CCDC91: variants seen among roughly 807,000 people sequenced by gnomAD.
CCDC91 encodes coiled-coil domain containing 91, also known as coiled-coil domain-containing protein 91.
A neutral mutation model predicts 63.2 loss-of-function variants in CCDC91; 48 were observed. That is an observed-to-expected ratio of 0.76 (90% CI 0.60 to 0.97). CCDC91 has a LOEUF of 0.97. Among genes scored for constraint, CCDC91 ranks in the 50% least tolerant of loss-of-function variants. The pLI is 0.00. For missense variants in CCDC91, 500 were observed against 494.6 expected, an observed-to-expected ratio of 1.01 and a Z score of -0.10; for synonymous variants, 167 against 165.8, an observed-to-expected ratio of 1.01 and a Z score of -0.06.
chr12:28,336,307 C>T (rs1345669628), intron 6 of CCDC91, among the ~76,000 whole-genome samples: 3 of 151,964 alleles, frequency 2.0e-5, no homozygotes, highest in East Asian at 3.9e-4. Context: ...CATAGGTACT[C>T]TAATCAGAAT....
chr12:28,246,762 A>T (rs912879455), intron 1 of CCDC91, among the ~76,000 whole-genome samples: 3 of 152,198 alleles, frequency 2.0e-5, no homozygotes, highest in African/African-American at 7.2e-5. Flanking sequence ...AGGAGACAAG[A>T]AAGGATGAGT....
chr12:28,312,825 T>C (rs543497859), intron 6 of CCDC91, among the ~76,000 whole-genome samples: 206 of 152,148 alleles, frequency 1.4e-3, no homozygotes, highest in African/African-American at 4.7e-3. Context: ...AGTTTCCCTG[T>C]GCAAGTTCTC....
At chr12:28,241,038 T>A (rs1053558506) in intron 1 of CCDC91, among the ~76,000 whole-genome samples, 4 of 152,210 alleles carry the variant, frequency 2.6e-5, no homozygotes, top group Non-Finnish European at 1.5e-5. Flanking sequence ...TTTCTCCACA[T>A]CCTTGCCAGC....
chr12:28,325,455 CATGTT>C (rs1940900311), intron 6 of CCDC91, among the ~76,000 whole-genome samples: 1 of 151,714 alleles, frequency 6.6e-6, no homozygotes, highest in Admixed American at 6.6e-5. Context: ...TATGGAGTAA[CATGTT>C]AGTGGATAAG....
intron 12 of CCDC91, among the ~76,000 whole-genome samples, chr12:28,524,469 A>G: frequency 6.6e-6 from 1 of 152,090 alleles, no homozygotes. Flanking sequence ...ATCATGCTGG[A>G]TTATCTCTGA....
At chr12:28,483,038 G>GTA (rs1462341375) in intron 11 of CCDC91, among the ~76,000 whole-genome samples, 1 of 151,864 alleles carries the variant, frequency 6.6e-6, no homozygotes, top group Non-Finnish European at 1.5e-5. Flanking sequence ...GTATATCCAA[G>GTA]TATATATATG....
chr12:28,539,388 G>C (rs1196282257), intron 12 of CCDC91, among the ~76,000 whole-genome samples: 2 of 152,042 alleles, frequency 1.3e-5, no homozygotes, highest in African/African-American at 4.8e-5. Flanking sequence ...TCTTGTTTTT[G>C]TCAGGTTTGT....
intron 3 of CCDC91, among the ~76,000 whole-genome samples, chr12:28,300,981 T>C (rs573003448): frequency 6.6e-6 from 1 of 151,800 alleles, no homozygotes; most frequent in Admixed American, 6.6e-5. Flanking sequence ...ATGCTTTTAT[T>C]ATTAGAGTTA....
intron 11 of CCDC91, among the ~76,000 whole-genome samples, chr12:28,471,943 GT>G (rs1417200265): frequency 6.6e-6 from 1 of 151,998 alleles, no homozygotes; most frequent in Admixed American, 6.6e-5. Context: ...TAGAGATGGG[GT>G]TTTGCCCTGT....
At chr12:28,276,866 G>A (rs1200835809) in intron 3 of CCDC91, among the ~76,000 whole-genome samples, 2 of 151,840 alleles carry the variant, frequency 1.3e-5, no homozygotes, top group Non-Finnish European at 2.9e-5. Flanking sequence ...AAAATTATAT[G>A]TATATTTTTA....
At chr12:28,242,130 G>C (rs148399743) in intron 1 of CCDC91, among the ~76,000 whole-genome samples, 1 of 151,808 alleles carries the variant, frequency 6.6e-6, no homozygotes, top group East Asian at 1.9e-4. Flanking sequence ...TTGTCTTGAG[G>C]TCTCTCAAGT....
chr12:28,221,092 T>TC (rs1393693202), intron 1 of CCDC91, among the ~76,000 whole-genome samples: 1 of 152,116 alleles, frequency 6.6e-6, no homozygotes, highest in East Asian at 1.9e-4. Flanking sequence ...ATCCATTTTT[T>TC]CTCAGTATTT....
At chr12:28,483,897 G>C (rs1511551) in intron 11 of CCDC91, among the ~76,000 whole-genome samples, 155 bp from the exon 12 acceptor site, 35,512 of 151,986 alleles carry the variant, frequency 0.23, 4,942 homozygotes, top group Non-Finnish European at 0.32. Flanking sequence ...CTAACAGATC[G>C]CAAAAGATTC....
chr12:28,353,902 A>G (rs2138325523), intron 6 of CCDC91, among the ~76,000 whole-genome samples: 1 of 152,166 alleles, frequency 6.6e-6, no homozygotes, highest in East Asian at 1.9e-4. Flanking sequence ...TGGAAGGTGG[A>G]GGGTGGGAGG....
rs145490707 is a variant in CCDC91, at chr12:28,535,928, C to G, written c.1216-13135C>G. Among the ~76,000 whole-genome samples, 1,263 of 151,632 alleles carry G rather than the reference C, an allele frequency of 8.3e-3. 21 individuals carry two copies. The highest frequency in any genetic ancestry group is 0.029 in the African/African-American group (1,206 of 41,346). On this transcript the variant is annotated intron_variant, in intron 12 of 12. Coordinates refer to ENST00000536442, the MANE Select transcript of CCDC91 (RefSeq NM_018318.5). Reference sequence around the variant, plus strand: ...CCCATAGTCCCAGCTACTCGGGAGACTGAGGCAGGAGAATGGCATGAACCC... The same window carrying G: ...CCCATAGTCCCAGCTACTCGGGAGAGTGAGGCAGGAGAATGGCATGAACCC...
At chr12:28,459,031 C>G (rs77422084) in intron 11 of CCDC91, among the ~76,000 whole-genome samples, 2,491 of 152,204 alleles carry the variant, frequency 0.016, 72 homozygotes, top group African/African-American at 0.056. Flanking sequence ...ACCTGTCTAG[C>G]TCGTCTGCTG....
chr12:28,471,632 A>G (rs929838324), intron 11 of CCDC91, among the ~76,000 whole-genome samples: 3 of 152,212 alleles, frequency 2.0e-5, no homozygotes, highest in African/African-American at 7.2e-5. Flanking sequence ...AGAATGTTTC[A>G]TATCTTTAAG....
chr12:28,477,558 A>G (rs1238064927), intron 11 of CCDC91, among the ~76,000 whole-genome samples: 1 of 152,178 alleles, frequency 6.6e-6, no homozygotes, highest in African/African-American at 2.4e-5. Context: ...AACTGGCACA[A>G]GACAGGGATG....
At chr12:28,376,236 A>G (rs1321984851) in intron 7 of CCDC91, among the ~76,000 whole-genome samples, 2 of 151,498 alleles carry the variant, frequency 1.3e-5, no homozygotes, top group Non-Finnish European at 3.0e-5. Context: ...TATTTTTCTA[A>G]TTTTTGTTAT....
Sources: gnomAD v4.1 joint callset for allele counts (sites outside exome capture counted in the v4.1 genomes callset) on GRCh38, gnomAD v4.1.1 for gene constraint, MANE v1.5 for transcripts, NCBI Gene and HGNC (gene_info 2026-07-23, HGNC 2026-07-21) for gene names.